SORCS3: variants seen among roughly 807,000 people sequenced by gnomAD.
SORCS3 encodes the protein sortilin related VPS10 domain containing receptor 3.
A neutral mutation model predicts 146.3 loss-of-function variants in SORCS3; 57 were observed. That is an observed-to-expected ratio of 0.39 (90% CI 0.31 to 0.49). The LOEUF (loss-of-function observed/expected upper bound fraction) is 0.49. SORCS3 is among the 20% of genes least tolerant of loss of function. SORCS3 has a pLI of 0.92. For synonymous variants in SORCS3, 653 were observed against 618.5 expected (o/e 1.06, Z -0.83); for missense variants, 1,341 against 1,575.5 (o/e 0.85, Z 2.52).
intron 3 of SORCS3, among the ~76,000 whole-genome samples, chr10:104,952,525 G>A (rs982777819): frequency 3.9e-5 from 6 of 152,234 alleles, no homozygotes; most frequent in Middle Eastern, 3.4e-3. Flanking sequence ...TTTTCTCTCT[G>A]TAGTCTTATA....
In SORCS3 at chr10:104,952,119, T is replaced by C. The variant is rs142710158; in HGVS notation, c.796-25216T>C. Reference sequence around the variant, plus strand: ...AAGTGTGGTTCTTGGACCAGTAGCATTGACATCACCTGAGAGCTTATTAGA... The same window carrying C: ...AAGTGTGGTTCTTGGACCAGTAGCACTGACATCACCTGAGAGCTTATTAGA... On this transcript the variant is annotated intron_variant, in intron 3 of 26. Coordinates refer to ENST00000369701, the MANE Select transcript of SORCS3 (RefSeq NM_014978.3). Among the ~76,000 whole-genome samples, 463 of 151,564 alleles carry C rather than the reference T, an allele frequency of 3.1e-3. 2 individuals are homozygous for C. Among genetic ancestry groups the C allele is most frequent in the South Asian group, 0.018 (86 of 4,756 alleles).
At position 104,969,340 on chromosome 10, in the gene SORCS3, T is replaced by TGTGTGCGC. The variant is rs398014705; in HGVS notation, c.796-7994_796-7993insTGTGCGCG. On this transcript the variant is annotated intron_variant, in intron 3 of 26. Coordinates refer to ENST00000369701, the MANE Select transcript of SORCS3 (RefSeq NM_014978.3). ...GTGTGTGTGTGTGTGTGTGTGTGTG[T>TGTGTGCGC]GCGCGCGCGCGTACAGAGCATGGAA... is the stretch of plus-strand genomic sequence containing the variant. Among the ~76,000 whole-genome samples the TGTGTGCGC allele has an allele frequency of 8.4e-3, 945 of 112,358 alleles. 6 individuals are homozygous for TGTGTGCGC. Among genetic ancestry groups the TGTGTGCGC allele is most frequent in the African/African-American group, 0.024 (807 of 34,116 alleles). The allele number at this position is 112,358 out of a possible 152,430, so 73.7% of individuals were successfully genotyped here.
chr10:105,239,692 G>C (rs72819913), intron 20 of SORCS3, among the ~76,000 whole-genome samples: 12,113 of 152,260 alleles, frequency 0.08, 562 homozygotes, highest in Middle Eastern at 0.17. Flanking sequence ...TCAATCAGCT[G>C]CCTGTTGGAT....
intron 7 of SORCS3, among the ~76,000 whole-genome samples, chr10:105,123,136 A>G (rs985256760): frequency 7.2e-5 from 11 of 152,332 alleles, no homozygotes; most frequent in Admixed American, 6.5e-4. Context: ...GTTAGAAGAG[A>G]TCTATATTAA....
At chr10:104,757,887 C>T (rs1236078138) in intron 1 of SORCS3, among the ~76,000 whole-genome samples, 1 of 135,716 alleles carries the variant, frequency 7.4e-6, no homozygotes, top group Non-Finnish European at 1.6e-5. Context: ...TGCCTTGATG[C>T]TGATAGTGGC....
At chr10:105,160,730 C>T (rs535973620) in intron 11 of SORCS3, among the ~76,000 whole-genome samples, 1 of 152,316 alleles carries the variant, frequency 6.6e-6, no homozygotes, top group South Asian at 2.1e-4. Context: ...GAAGTTAAAA[C>T]TCTTCTTACA....
Position 105,157,254 on chromosome 10 carries a change from C to A in SORCS3, c.1599C>A (p.Asp533Glu), listed in dbSNP as rs2119496497. ...DWRLLQAPDV[D>E]LRGSPVHCLL... ...GCCTGCTGCAAGCTCCGGATGTGGA[C>A]CTGAGAGGAAGCCCAGTGCACTGCC... The change falls in exon 10 of 27, where the codon GAC (aspartate) becomes GAA (glutamate). Residue 533 changes from aspartate to glutamate, a missense_variant. Asp to Glu is a conservative substitution (Grantham distance 45). Coordinates refer to ENST00000369701, the MANE Select transcript of SORCS3 (RefSeq NM_014978.3). 1.2e-6 allele frequency: 2 copies of A among 1,614,068 alleles called. No individual in the cohort carries two copies. The highest frequency in any genetic ancestry group is 3.3e-5 in the Admixed American group (2 of 60,022).
At chr10:104,931,423 G>A (rs1317433610) in intron 3 of SORCS3, among the ~76,000 whole-genome samples, 1 of 152,160 alleles carries the variant, frequency 6.6e-6, no homozygotes, top group African/African-American at 2.4e-5. Context: ...GCCAGGTCAG[G>A]CTTTCAAATC....
At chr10:105,051,942 G>A (rs2055416244) in intron 5 of SORCS3, among the ~76,000 whole-genome samples, 1 of 152,104 alleles carries the variant, frequency 6.6e-6, no homozygotes, top group Non-Finnish European at 1.5e-5. Flanking sequence ...GCTGATGGGG[G>A]CTACCCATGC....
chr10:105,016,098 T>C (rs2055164174), intron 4 of SORCS3, among the ~76,000 whole-genome samples: 1 of 147,722 alleles, frequency 6.8e-6, no homozygotes, highest in Admixed American at 6.8e-5. Flanking sequence ...ATAACTTAAA[T>C]TTATGTTATG....
chr10:104,967,363 T>C (rs1402632934), intron 3 of SORCS3, among the ~76,000 whole-genome samples: 1 of 152,238 alleles, frequency 6.6e-6, no homozygotes, highest in East Asian at 1.9e-4. Context: ...TTTTAAATTA[T>C]GGCAAACAAA....
intron 5 of SORCS3, among the ~76,000 whole-genome samples, chr10:105,068,447 T>C (rs1158820629): frequency 6.6e-6 from 1 of 152,152 alleles, no homozygotes; most frequent in Admixed American, 6.6e-5. Context: ...TTCAGCCAGG[T>C]CCTCCTCTTC....
At position 105,224,686 on chromosome 10, in the gene SORCS3, C is replaced by A. The variant is rs116570314; in HGVS notation, c.2868+1437C>A. Among the ~76,000 whole-genome samples the A allele has an allele frequency of 4.4e-3, 669 of 152,196 alleles. 9 individuals carry two copies. Among genetic ancestry groups the A allele is most frequent in the African/African-American group, 0.015 (639 of 41,534 alleles). Reference sequence around the variant, plus strand: ...AAACTGTCTTCCAAACTGGTTGGACCATTTTGGATTTCCACCACCAATGAA... The same window carrying A: ...AAACTGTCTTCCAAACTGGTTGGACAATTTTGGATTTCCACCACCAATGAA... On this transcript the variant is annotated intron_variant, in intron 20 of 26. Coordinates refer to ENST00000369701, the MANE Select transcript of SORCS3 (RefSeq NM_014978.3).
chr10:104,881,221 A>G (rs1033202941), intron 2 of SORCS3, among the ~76,000 whole-genome samples: 5 of 152,178 alleles, frequency 3.3e-5, no homozygotes, highest in African/African-American at 9.7e-5. Context: ...TGCACAGTAC[A>G]ATGAGAGATA....
intron 1 of SORCS3, among the ~76,000 whole-genome samples, chr10:104,722,183 A>G (rs2016557917): frequency 6.6e-6 from 1 of 152,206 alleles, no homozygotes; most frequent in Non-Finnish European, 1.5e-5. Context: ...AGTTTTTAGC[A>G]TGAAGGGTTG....
At chr10:105,113,176 C>T (rs1438158533) in intron 7 of SORCS3, among the ~76,000 whole-genome samples, 1 of 152,178 alleles carries the variant, frequency 6.6e-6, no homozygotes. Flanking sequence ...AAATCACTGA[C>T]TTTTTGCAGC....
intron 3 of SORCS3, 109 bp downstream of exon 3, chr10:104,916,041 C>T: frequency 1.3e-6 from 1 of 784,706 alleles, no homozygotes; most frequent in South Asian, 1.5e-5. Flanking sequence ...TTACAGAGGT[C>T]TGGTTTATAT....
At chr10:104,872,410 G>A (rs953366862) in intron 2 of SORCS3, among the ~76,000 whole-genome samples, 2 of 151,972 alleles carry the variant, frequency 1.3e-5, no homozygotes, top group Non-Finnish European at 2.9e-5. Context: ...TTTGGCCCAG[G>A]GAAGAAAATA....
chr10:104,649,087 T>A (rs2015529365), intron 1 of SORCS3, among the ~76,000 whole-genome samples: 1 of 152,216 alleles, frequency 6.6e-6, no homozygotes, highest in South Asian at 2.1e-4. Context: ...GATTATTTAG[T>A]ATGGGTATAT....
Sources: gnomAD v4.1 joint callset for allele counts (sites outside exome capture counted in the v4.1 genomes callset) on GRCh38, gnomAD v4.1.1 for gene constraint, MANE v1.5 for transcripts, NCBI Gene and HGNC (gene_info 2026-07-23, HGNC 2026-07-21) for gene names.